Variants in SYNE1 observed in about 807,000 individuals in gnomAD.
SYNE1 encodes the protein spectrin repeat containing nuclear envelope protein 1.
A neutral mutation model predicts 1,111.0 loss-of-function variants in SYNE1; 616 were observed. The ratio of observed to expected loss-of-function variants is 0.55; its 90% confidence interval spans 0.52 to 0.59. The LOEUF (loss-of-function observed/expected upper bound fraction) is 0.59, where lower values mean the gene tolerates loss of function less well. SYNE1 is among the 20% of genes least tolerant of loss of function. The probability of loss-of-function intolerance (pLI) is 0.00; values close to 1 mark genes in which losing one functional copy is unlikely to be tolerated. For synonymous variants in SYNE1, 3,855 were observed against 3,825.8 expected, an observed-to-expected ratio of 1.01 and a Z score of -0.28; for missense variants, 10,006 against 10,417.0, an observed-to-expected ratio of 0.96 and a Z score of 1.72.
chr6:152,406,887 A>C (rs1344209314), intron 45 of SYNE1, 127 bp downstream of exon 45: 3 of 578,324 alleles, frequency 5.2e-6, no homozygotes, highest in Non-Finnish European at 7.1e-6. Context: ...ATAATAATAT[A>C]ATAATAAAAT....
chr6:152,510,160 G>A (rs201029283), intron 8 of SYNE1, 33 bp downstream of exon 8: 48 of 1,601,468 alleles, frequency 3.0e-5, no homozygotes, highest in East Asian at 4.5e-5. Flanking sequence ...TCAATTTAAC[G>A]GTTTCAAATT....
chr6:152,255,788 T>C (rs1037964079), intron 102 of SYNE1, 42 bp from the exon 103 acceptor site: 13 of 1,612,378 alleles, frequency 8.1e-6, no homozygotes, highest in Non-Finnish European at 1.0e-5. Context: ...ATTTCAGTGT[T>C]TTGAAAATCC....
In SYNE1 at chr6:152,478,045, G is replaced by C. The variant is rs139027298; in HGVS notation, c.1350+5040C>G. On this transcript the variant is annotated intron_variant, in intron 14 of 145. Transcript: ENST00000367255. ...GCTTCTCAACATGCTGGGATTATAA[G>C]TATGAGCCACCATGCCTTAAAGAAA... 2.5e-3 allele frequency among the ~76,000 whole-genome samples: 380 copies of C among 152,312 alleles called. 4 individuals are homozygous for C. Among genetic ancestry groups the C allele is most frequent in the Non-Finnish European group, 4.0e-3 (272 of 68,030 alleles).
chr6:152,489,230 A>G (rs1319885704), intron 11 of SYNE1, among the ~76,000 whole-genome samples: 1 of 152,220 alleles, frequency 6.6e-6, no homozygotes, highest in Non-Finnish European at 1.5e-5. Flanking sequence ...GTAGTGTCTC[A>G]TAAGAATGCC....
At chr6:152,605,561 C>A (rs1565147325) in intron 3 of SYNE1, among the ~76,000 whole-genome samples, 1 of 152,082 alleles carries the variant, frequency 6.6e-6, no homozygotes. Context: ...TGTAAAGCGA[C>A]CCTGCCAAGA....
At chr6:152,406,816 C>T (rs770977060) in intron 45 of SYNE1, among the ~76,000 whole-genome samples, 198 bp downstream of exon 45, 9 of 151,452 alleles carry the variant, frequency 5.9e-5, no homozygotes, top group Non-Finnish European at 1.2e-4. Flanking sequence ...TGCAGTGAGC[C>T]GAGATCTGGA....
At chr6:152,213,881 A>C in intron 122 of SYNE1, 122 bp from the exon 123 acceptor site, 5 of 1,382,976 alleles carry the variant, frequency 3.6e-6, no homozygotes, top group African/African-American at 1.5e-5. Flanking sequence ...CAAAGCTTTC[A>C]TGTCAGGTGG....
At chr6:152,249,699 C>T (rs1232313772) in intron 104 of SYNE1, among the ~76,000 whole-genome samples, 2 of 152,108 alleles carry the variant, frequency 1.3e-5, no homozygotes, top group Non-Finnish European at 2.9e-5. Flanking sequence ...CTTCTTCCCT[C>T]CCTCCATCAG....
chr6:152,304,079 A>T (rs2095297999), intron 91 of SYNE1, among the ~76,000 whole-genome samples: 2 of 152,258 alleles, frequency 1.3e-5, no homozygotes, highest in Admixed American at 1.3e-4. Context: ...TAAAAAGTAG[A>T]CATCATTGCT....
chr6:152,263,928 G>A lies in SYNE1; in HGVS notation c.18816-1740C>T, dbSNP rs188797533. On this transcript the variant is annotated intron_variant, in intron 100 of 145. Coordinates refer to ENST00000367255, the MANE Select transcript of SYNE1 (RefSeq NM_182961.4). Reference sequence around the variant, plus strand: ...TCAATAAATGGGGGTTAATAATGACGAAAATGGGCTGGGTGTGGTGGCTCA... The same window carrying A: ...TCAATAAATGGGGGTTAATAATGACAAAAATGGGCTGGGTGTGGTGGCTCA... Among the ~76,000 whole-genome samples, 315 of 151,912 alleles carry A rather than the reference G, an allele frequency of 2.1e-3. 4 individuals are homozygous for A. Among genetic ancestry groups the A allele is most frequent in the African/African-American group, 5.1e-3 (210 of 41,500 alleles).
intron 11 of SYNE1, among the ~76,000 whole-genome samples, chr6:152,490,622 A>G (rs1252761117): frequency 6.6e-6 from 1 of 152,106 alleles, no homozygotes; most frequent in South Asian, 2.1e-4. Flanking sequence ...CCCAAATCCT[A>G]TAAAACTGCC....
intron 95 of SYNE1, 85 bp downstream of exon 95, chr6:152,293,503 T>C: frequency 6.6e-7 from 1 of 1,511,170 alleles, no homozygotes; most frequent in Non-Finnish European, 9.2e-7. Context: ...CACCTGGCTG[T>C]CTCAAACACA....
At chr6:152,451,771 AAGT>A (rs776266507) in intron 25 of SYNE1, among the ~76,000 whole-genome samples, 17 of 152,118 alleles carry the variant, frequency 1.1e-4, no homozygotes, top group Non-Finnish European at 1.6e-4. Flanking sequence ...GTGAGCCACT[AAGT>A]CTGGCCAGTG....
At chr6:152,454,745 T>C (rs927650878) in intron 24 of SYNE1, among the ~76,000 whole-genome samples, 2 of 152,206 alleles carry the variant, frequency 1.3e-5, no homozygotes, top group African/African-American at 2.4e-5. Context: ...TTGTGTTTTG[T>C]GGTCACAGAC....
At chr6:152,297,352 C>T (rs192169268) in intron 93 of SYNE1, among the ~76,000 whole-genome samples, 27 of 152,280 alleles carry the variant, frequency 1.8e-4, no homozygotes, top group African/African-American at 6.5e-4. Flanking sequence ...CATCCTTGAC[C>T]TCTGCCTGAC....
intron 82 of SYNE1, 150 bp downstream of exon 82, chr6:152,323,328 C>T: frequency 1.6e-6 from 2 of 1,235,668 alleles, no homozygotes; most frequent in Non-Finnish European, 1.1e-6. Context: ...GTCCCAGCTA[C>T]TCAGAGAGGC....
intron 28 of SYNE1, among the ~76,000 whole-genome samples, chr6:152,447,982 G>A (rs1359246352): frequency 6.6e-6 from 1 of 152,082 alleles, no homozygotes; most frequent in Non-Finnish European, 1.5e-5. Context: ...CCTTTGAGCT[G>A]GAAAGAAGAT....
intron 75 of SYNE1, among the ~76,000 whole-genome samples, chr6:152,337,302 T>C (rs2096417233): frequency 6.6e-6 from 1 of 152,202 alleles, no homozygotes; most frequent in Non-Finnish European, 1.5e-5. Context: ...TTTTTTTTTT[T>C]TTTTGAGACA....
In SYNE1 at chr6:152,455,595, A is replaced by T. The variant is rs775558169; in HGVS notation, c.2728-5T>A. On this transcript the variant is annotated splice_region_variant and splice_polypyrimidine_tract_variant and intron_variant, in intron 23 of 145. Transcript: ENST00000367255. Reference sequence around the variant, plus strand: ...TCCAGTTTTCTTTACCATACTCTTGATGTGAAAAACAATCATAATGTGATG... The same window carrying T: ...TCCAGTTTTCTTTACCATACTCTTGTTGTGAAAAACAATCATAATGTGATG... 13 of 1,614,150 alleles carry T rather than the reference A, an allele frequency of 8.1e-6. No individual in the cohort carries two copies. Among genetic ancestry groups the T allele is most frequent in the Non-Finnish European group, 1.1e-5 (13 of 1,179,994 alleles).
Sources: allele counts gnomAD v4.1 joint callset (sites outside exome capture counted in the v4.1 genomes callset), GRCh38; gene constraint gnomAD v4.1.1; transcripts MANE v1.5; gene names NCBI Gene and HGNC (gene_info 2026-07-23, HGNC 2026-07-21).